PRKN: variants seen among roughly 807,000 people sequenced by gnomAD.
The protein encoded by PRKN is parkin RBR E3 ubiquitin protein ligase.
PRKN carries 56 observed loss-of-function variants against 59.5 expected under a neutral mutation model. The ratio of observed to expected loss-of-function variants is 0.94; its 90% CI spans 0.76 to 1.18. PRKN has a LOEUF of 1.18. Among genes scored for constraint, PRKN ranks in the 50% most tolerant of loss-of-function variants. The pLI is 0.00. For synonymous variants in PRKN, 250 were observed against 222.1 expected (o/e 1.13, Z -1.12); for missense variants, 657 against 596.4 (o/e 1.10, Z -1.06).
chr6:162,552,046 G>C (rs889497360), intron 1 of PRKN, among the ~76,000 whole-genome samples: 2 of 152,148 alleles, frequency 1.3e-5, no homozygotes, highest in African/African-American at 4.8e-5. Flanking sequence ...TCAGAGATGA[G>C]ATTTAGATAG....
chr6:161,802,630 CCCTCTAA>C (rs913816868), intron 6 of PRKN, among the ~76,000 whole-genome samples: 9 of 152,168 alleles, frequency 5.9e-5, no homozygotes, highest in African/African-American at 2.2e-4. Flanking sequence ...TGCAACGAGC[CCCTCTAA>C]CCACCACCTG....
At chr6:161,663,021 G>T (rs9355917) in intron 7 of PRKN, among the ~76,000 whole-genome samples, 58,910 of 152,036 alleles carry the variant, frequency 0.39, 12,824 homozygotes, top group Non-Finnish European at 0.49. Context: ...TCATGATAAT[G>T]AATAAGTCTC....
intron 2 of PRKN, among the ~76,000 whole-genome samples, chr6:162,373,674 C>G (rs1785891509): frequency 6.6e-6 from 1 of 152,034 alleles, no homozygotes; most frequent in Admixed American, 6.6e-5. Flanking sequence ...TTTTAATACC[C>G]TTCTTACATA....
intron 9 of PRKN, among the ~76,000 whole-genome samples, chr6:161,523,995 A>C (rs1228356394): frequency 6.6e-6 from 1 of 152,220 alleles, no homozygotes; most frequent in Non-Finnish European, 1.5e-5. Context: ...AACACAATTC[A>C]ATCCATGAAT....
chr6:161,562,272 A>G lies in PRKN; in HGVS notation c.933+7083T>C, dbSNP rs1453670039. ...GAGGACCCGCCTTCTTGGCTTCCTC[A>G]ACACCACAAATTGCCATTCCTCCTC... is the stretch of plus-strand genomic sequence containing the variant. On this transcript the variant is annotated intron_variant, in intron 8 of 11. Coordinates refer to ENST00000366898, the MANE Select transcript of PRKN (RefSeq NM_004562.3). This position sits in a 1 kb window ranked among gnomAD's most constrained non-coding sequence, Gnocchi z 4.3. 6.7e-6 allele frequency among the ~76,000 whole-genome samples: 1 copy of G among 149,654 alleles called. No homozygotes were observed. The highest frequency in any genetic ancestry group is 2.5e-5 in the African/African-American group (1 of 40,380).
At chr6:161,585,947 TA>T (rs1403407456) in intron 7 of PRKN, among the ~76,000 whole-genome samples, 1 of 152,170 alleles carries the variant, frequency 6.6e-6, no homozygotes, top group Non-Finnish European at 1.5e-5. Context: ...TCAGTCTCCA[TA>T]AGGGTAAATT....
intron 1 of PRKN, among the ~76,000 whole-genome samples, chr6:162,517,551 C>T (rs1333971043): frequency 4.6e-5 from 7 of 151,952 alleles, no homozygotes; most frequent in Admixed American, 2.6e-4. Context: ...CGACTGCGCC[C>T]GGCCAATATA....
rs115314699 is a variant in PRKN at position 161,557,787 on chromosome 6, C to G, written c.934-8784G>C. On this transcript the variant is annotated intron_variant, in intron 8 of 11. Coordinates refer to ENST00000366898, the MANE Select transcript of PRKN (RefSeq NM_004562.3). ...AAATGAGTCAATGCTTGCCAGCCAT[C>G]CAGGAGCTATGTGGCCCCCTTTCAG... 2.6e-3 allele frequency among the ~76,000 whole-genome samples: 400 copies of G among 152,304 alleles called. 4 individuals are homozygous for G. Among genetic ancestry groups the G allele is most frequent in the African/African-American group, 9.3e-3 (385 of 41,552 alleles).
At chr6:162,656,780 C>T (rs1389953666) in intron 1 of PRKN, among the ~76,000 whole-genome samples, 1 of 152,138 alleles carries the variant, frequency 6.6e-6, no homozygotes, top group Admixed American at 6.5e-5. Context: ...TTAACAAGAC[C>T]TTCCAACAGC....
intron 6 of PRKN, among the ~76,000 whole-genome samples, chr6:161,900,058 C>G (rs867257571): frequency 5.3e-5 from 8 of 151,946 alleles, no homozygotes; most frequent in Admixed American, 5.2e-4. Flanking sequence ...TTGCAGTGAG[C>G]TGAGATCATG....
At chr6:162,545,577 A>G (rs1053230851) in intron 1 of PRKN, among the ~76,000 whole-genome samples, 1 of 152,184 alleles carries the variant, frequency 6.6e-6, no homozygotes, top group African/African-American at 2.4e-5. Flanking sequence ...GGTCATATTA[A>G]CCTTCCTTAT....
At chr6:161,978,819 C>T (rs1781150795) in intron 5 of PRKN, among the ~76,000 whole-genome samples, 1 of 152,300 alleles carries the variant, frequency 6.6e-6, no homozygotes, top group East Asian at 1.9e-4. Flanking sequence ...CTAGCGTGTG[C>T]AGGGGTTGGC....
intron 6 of PRKN, among the ~76,000 whole-genome samples, chr6:161,854,320 A>T (rs903014771): frequency 2.6e-5 from 4 of 152,020 alleles, no homozygotes. Context: ...AAGATTAAAA[A>T]ATATTAAAAA....
At chr6:161,685,386 T>C (rs572626558) in intron 7 of PRKN, among the ~76,000 whole-genome samples, 1 of 152,322 alleles carries the variant, frequency 6.6e-6, no homozygotes, top group South Asian at 2.1e-4. Context: ...GCTGAACAAC[T>C]AAGAAACGTT....
chr6:161,671,055 A>G (rs1034044765), intron 7 of PRKN, among the ~76,000 whole-genome samples: 4 of 152,058 alleles, frequency 2.6e-5, no homozygotes, highest in African/African-American at 4.8e-5. Context: ...TTTTTCCCTC[A>G]AGCACTAAAA....
chr6:162,078,320 C>G (rs1468664812), intron 4 of PRKN, among the ~76,000 whole-genome samples: 2 of 152,026 alleles, frequency 1.3e-5, no homozygotes, highest in African/African-American at 4.8e-5. Context: ...TGAGATCAGT[C>G]TGAAAGCTGA....
chr6:162,540,374 T>C (rs1257646226), intron 1 of PRKN, among the ~76,000 whole-genome samples: 1 of 152,114 alleles, frequency 6.6e-6, no homozygotes, highest in Non-Finnish European at 1.5e-5. Flanking sequence ...TGCCCGGCCA[T>C]GAATTTAAAT....
At chr6:161,833,060 T>C (rs1023994077) in intron 6 of PRKN, among the ~76,000 whole-genome samples, 2 of 152,112 alleles carry the variant, frequency 1.3e-5, no homozygotes, top group African/African-American at 4.8e-5. Flanking sequence ...CAAGGTCACA[T>C]ACAATTAGTT....
chr6:162,525,919 T>C (rs761757407), intron 1 of PRKN, among the ~76,000 whole-genome samples: 12 of 152,264 alleles, frequency 7.9e-5, no homozygotes, highest in South Asian at 2.1e-4. Context: ...AATGGTGCAA[T>C]CACGGCCCAC....
Sources: allele counts gnomAD v4.1 joint callset (sites outside exome capture counted in the v4.1 genomes callset), GRCh38; gene constraint gnomAD v4.1.1; non-coding constraint Gnocchi (gnomAD v3.1); transcripts MANE v1.5; gene names NCBI Gene and HGNC (gene_info 2026-07-23, HGNC 2026-07-21).